The following MATCAP2 variants were observed in gnomAD, a reference collection of about 807,000 sequenced individuals.
MATCAP2 encodes putative tyrosine carboxypeptidase MATCAP2.
At chr7:36,361,567 C>G in the MATCAP2 span, among the ~76,000 whole-genome samples, 88 of 152,222 alleles carry the variant, frequency 5.8e-4, no homozygotes, top group African/African-American at 2.1e-3. Flanking sequence ...ACAAGATAAA[C>G]TTTAATTTTA....
chr7:36,343,044 G>C, the MATCAP2 span, among the ~76,000 whole-genome samples: 1 of 151,952 alleles, frequency 6.6e-6, no homozygotes, highest in South Asian at 2.1e-4. Flanking sequence ...AAGAATATTA[G>C]GTTAAACCAG....
the MATCAP2 span, among the ~76,000 whole-genome samples, chr7:36,382,749 T>A: frequency 1.5e-4 from 23 of 152,182 alleles, no homozygotes; most frequent in Non-Finnish European, 1.5e-5. Context: ...CGCCTTGGCC[T>A]CCCTAAGTGC....
the MATCAP2 span, among the ~76,000 whole-genome samples, chr7:36,344,243 TA>T: frequency 3.9e-5 from 6 of 152,086 alleles, no homozygotes; most frequent in Non-Finnish European, 8.8e-5. Context: ...TTCTCTGAAA[TA>T]AAAAAGTCCA....
chr7:36,385,330 C>T, the MATCAP2 span, among the ~76,000 whole-genome samples: 1 of 152,184 alleles, frequency 6.6e-6, no homozygotes, highest in South Asian at 2.1e-4. Context: ...GAGAATCTGA[C>T]CCTAAAATTC....
At chr7:36,331,056 A>G in the MATCAP2 span, 1 of 1,612,734 alleles carries the variant, frequency 6.2e-7, no homozygotes, top group East Asian at 2.2e-5. Flanking sequence ...CCATCCAAGT[A>G]TACCTGGTCT....
the MATCAP2 span, among the ~76,000 whole-genome samples, chr7:36,353,483 T>TA: frequency 6.8e-6 from 1 of 146,792 alleles, no homozygotes; most frequent in South Asian, 2.2e-4. Context: ...TTTATGCTCT[T>TA]TTTTTTTTTT....
chr7:36,372,077 G>GAAAA, the MATCAP2 span, among the ~76,000 whole-genome samples: 2 of 147,706 alleles, frequency 1.4e-5, no homozygotes, highest in Non-Finnish European at 1.5e-5. Context: ...GCTTGCAACT[G>GAAAA]AAAAAAAAAA....
chr7:36,335,570 C>A, the MATCAP2 span, among the ~76,000 whole-genome samples: 1 of 152,342 alleles, frequency 6.6e-6, no homozygotes, highest in Non-Finnish European at 1.5e-5. Context: ...ATAAGAGAGG[C>A]TTCTCGGGCA....
At chr7:36,344,284 T>C in the MATCAP2 span, among the ~76,000 whole-genome samples, 1 of 152,206 alleles carries the variant, frequency 6.6e-6, no homozygotes, top group Non-Finnish European at 1.5e-5. Flanking sequence ...TTCAAGTTAA[T>C]TACTATACAC....
chr7:36,336,363 CTA>C, the MATCAP2 span: 1 of 1,207,546 alleles, frequency 8.3e-7, no homozygotes, highest in Non-Finnish European at 1.1e-6. Flanking sequence ...CATAAGCTAG[CTA>C]TGTTATTTAT....
chr7:36,339,658 T>C, the MATCAP2 span, among the ~76,000 whole-genome samples: 1 of 152,180 alleles, frequency 6.6e-6, no homozygotes, highest in Non-Finnish European at 1.5e-5. Context: ...ATTAGCATAC[T>C]TTGCATACAC....
chr7:36,356,960 G>T, the MATCAP2 span: 2 of 1,614,240 alleles, frequency 1.2e-6, no homozygotes, highest in Admixed American at 3.3e-5. Flanking sequence ...TGGCAGAGCA[G>T]GATTGGCATA....
chr7:36,364,335 G>A, the MATCAP2 span, among the ~76,000 whole-genome samples: 2 of 152,010 alleles, frequency 1.3e-5, no homozygotes, highest in Admixed American at 6.6e-5. Context: ...TAATCCGCCT[G>A]CTCTCCGCCT....
At chr7:36,348,703 T>TGTA in the MATCAP2 span, among the ~76,000 whole-genome samples, 4 of 152,156 alleles carry the variant, frequency 2.6e-5, no homozygotes. Context: ...ACAGATCCAA[T>TGTA]GTAGTAATAC....
At chr7:36,360,259 A>G in the MATCAP2 span, among the ~76,000 whole-genome samples, 9 of 152,184 alleles carry the variant, frequency 5.9e-5, no homozygotes, top group Middle Eastern at 3.2e-3. Flanking sequence ...AGTGACCTCC[A>G]AATTCATAAT....
chr7:36,328,886 A>C, the MATCAP2 span, among the ~76,000 whole-genome samples: 17,755 of 151,918 alleles, frequency 0.12, 1,088 homozygotes, highest in East Asian at 0.18. Context: ...TCTACTAAAA[A>C]TACAAAATTA....
At chr7:36,355,962 A>C in the MATCAP2 span, 3 of 152,248 alleles carry the variant, frequency 2.0e-5, no homozygotes, top group African/African-American at 7.2e-5. Flanking sequence ...TAAAGTGAGC[A>C]ATTTAAAAGT....
chr7:36,349,336 CAA>C, the MATCAP2 span, among the ~76,000 whole-genome samples: 1 of 152,020 alleles, frequency 6.6e-6, no homozygotes, highest in African/African-American at 2.4e-5. Context: ...AGAAACAGAC[CAA>C]AATATTTCAA....
the MATCAP2 span, among the ~76,000 whole-genome samples, chr7:36,379,060 G>GGGTA: frequency 2.6e-5 from 4 of 152,226 alleles, no homozygotes; most frequent in African/African-American, 9.6e-5. Flanking sequence ...CTTCCTGGGT[G>GGGTA]AGGTGATGCC....
Sources: allele counts gnomAD v4.1 joint callset (sites outside exome capture counted in the v4.1 genomes callset), GRCh38; gene constraint gnomAD v4.1.1; transcripts MANE v1.5; gene names NCBI Gene and HGNC (gene_info 2026-07-23, HGNC 2026-07-21).